EDIL3: variants seen among roughly 807,000 people sequenced by gnomAD.
The protein encoded by EDIL3 is EGF-like repeat and discoidin I-like domain-containing protein 3.
Under a neutral mutation model 67.4 loss-of-function variants are expected in EDIL3, and 37 were observed. That is an observed-to-expected ratio of 0.55 (90% CI 0.42 to 0.72). The LOEUF (loss-of-function observed/expected upper bound fraction) is 0.72, where lower values mean the gene tolerates loss of function less well. EDIL3 is among the 30% of genes least tolerant of loss of function. The probability of loss-of-function intolerance (pLI) is 0.00; values close to 1 mark genes in which losing one functional copy is unlikely to be tolerated. For missense variants in EDIL3, 527 were observed against 586.3 expected, an observed-to-expected ratio of 0.90 and a Z score of 1.04; for synonymous variants, 195 against 196.3, an observed-to-expected ratio of 0.99 and a Z score of 0.05.
intron 9 of EDIL3, among the ~76,000 whole-genome samples, chr5:84,025,521 T>A (rs1008580881): frequency 6.6e-6 from 1 of 152,092 alleles, no homozygotes; most frequent in African/African-American, 2.4e-5. Flanking sequence ...GTAATAATAA[T>A]AAAAATATAG....
At chr5:84,327,098 T>C (rs1746775609) in intron 1 of EDIL3, among the ~76,000 whole-genome samples, 1 of 152,010 alleles carries the variant, frequency 6.6e-6, no homozygotes, top group Admixed American at 6.6e-5. Flanking sequence ...CATCATCTCA[T>C]ATAGTTACCA....
At chr5:84,231,733 C>T (rs1744583841) in intron 2 of EDIL3, among the ~76,000 whole-genome samples, 1 of 152,108 alleles carries the variant, frequency 6.6e-6, no homozygotes, top group Non-Finnish European at 1.5e-5. Flanking sequence ...AAGCTGTTTG[C>T]CGCTTTATCA....
At chr5:84,338,152 A>G (rs1036692532) in intron 1 of EDIL3, among the ~76,000 whole-genome samples, 1 of 152,126 alleles carries the variant, frequency 6.6e-6, no homozygotes, top group Non-Finnish European at 1.5e-5. Context: ...TTAGGCTAGA[A>G]TCTCCATAAC....
Position 84,384,509 on chromosome 5 carries a change from G to T in EDIL3, c.-135C>A. The T allele has an allele frequency of 1.2e-6, 1 of 812,704 alleles. No homozygotes were observed. Among genetic ancestry groups the T allele is most frequent in the Non-Finnish European group, 1.9e-6 (1 of 517,648 alleles). The allele number at this position is 812,704 out of a possible 1,614,324, so 50.3% of individuals were successfully genotyped here. On this transcript the variant is annotated 5_prime_UTR_variant, in exon 1 of 11. Coordinates refer to ENST00000296591, the MANE Select transcript of EDIL3 (RefSeq NM_005711.5). Reference sequence around the variant, plus strand: ...CAAGAAGACGTTCTCTTTCCTCAGCGCTTTGTTAAACAAATTCTTGGAGAG... The same window carrying T: ...CAAGAAGACGTTCTCTTTCCTCAGCTCTTTGTTAAACAAATTCTTGGAGAG...
chr5:84,264,289 T>C (rs1301178005), intron 1 of EDIL3, among the ~76,000 whole-genome samples: 1 of 152,144 alleles, frequency 6.6e-6, no homozygotes, highest in Non-Finnish European at 1.5e-5. Context: ...CATTTGAAGT[T>C]TTCTGTGTAG....
At chr5:84,332,470 T>C (rs1746893198) in intron 1 of EDIL3, among the ~76,000 whole-genome samples, 1 of 152,184 alleles carries the variant, frequency 6.6e-6, no homozygotes, top group African/African-American at 2.4e-5. Flanking sequence ...AAGATAACGT[T>C]CTAATTATAG....
intron 1 of EDIL3, among the ~76,000 whole-genome samples, chr5:84,292,407 G>A (rs559684368): frequency 3.9e-5 from 6 of 152,098 alleles, no homozygotes; most frequent in South Asian, 2.1e-4. Context: ...ATAGTGTCCC[G>A]GAGCCAGGAA....
intron 3 of EDIL3, among the ~76,000 whole-genome samples, chr5:84,215,786 A>G (rs1744215858): frequency 2.0e-5 from 3 of 152,288 alleles, no homozygotes; most frequent in South Asian, 4.1e-4. Flanking sequence ...CAATGTGTCC[A>G]GGGTTTATGT....
At chr5:84,211,556 T>A (rs962424991) in intron 3 of EDIL3, among the ~76,000 whole-genome samples, 2 of 151,580 alleles carry the variant, frequency 1.3e-5, no homozygotes, top group African/African-American at 4.8e-5. Context: ...CCATAACAAG[T>A]GTCCTTCTAA....
At chr5:84,376,485 AAC>A (rs1747971382) in intron 1 of EDIL3, among the ~76,000 whole-genome samples, 1 of 152,336 alleles carries the variant, frequency 6.6e-6, no homozygotes, top group Admixed American at 6.5e-5. Flanking sequence ...GTTCATAACA[AAC>A]ACAGTTAAGT....
chr5:84,317,525 C>A (rs1439232364), intron 1 of EDIL3, among the ~76,000 whole-genome samples: 1 of 151,968 alleles, frequency 6.6e-6, no homozygotes, highest in African/African-American at 2.4e-5. Context: ...ACACATACAC[C>A]CTCCCAAGAC....
At chr5:84,214,700 T>C (rs1744190970) in intron 3 of EDIL3, among the ~76,000 whole-genome samples, 1 of 151,976 alleles carries the variant, frequency 6.6e-6, no homozygotes, top group Non-Finnish European at 1.5e-5. Flanking sequence ...TATCATCCTA[T>C]AAGGAAGAAC....
At chr5:84,362,520 A>G (rs1287069459) in intron 1 of EDIL3, among the ~76,000 whole-genome samples, 5 of 152,198 alleles carry the variant, frequency 3.3e-5, no homozygotes, top group African/African-American at 1.2e-4. Context: ...TAATGCAATT[A>G]CATATTAAAA....
chr5:84,172,636 G>A (rs1222107857), intron 4 of EDIL3, among the ~76,000 whole-genome samples: 1 of 151,942 alleles, frequency 6.6e-6, no homozygotes, highest in Non-Finnish European at 1.5e-5. Context: ...AAGAAAAAGA[G>A]GAAAGAATGA....
intron 9 of EDIL3, among the ~76,000 whole-genome samples, chr5:83,985,326 A>AG (rs1287911331): frequency 2.9e-4 from 44 of 152,066 alleles, no homozygotes; most frequent in Admixed American, 6.6e-4. Context: ...TAACTGCTGG[A>AG]AAAAAAATGT....
chr5:83,961,825 A>T (rs890792196), intron 10 of EDIL3, among the ~76,000 whole-genome samples: 2 of 151,386 alleles, frequency 1.3e-5, no homozygotes, highest in African/African-American at 4.8e-5. Context: ...AAAATATCTA[A>T]TATTTATTCA....
intron 6 of EDIL3, among the ~76,000 whole-genome samples, chr5:84,102,145 A>T (rs1561431986): frequency 1.3e-5 from 2 of 152,070 alleles, no homozygotes; most frequent in Admixed American, 6.6e-5. Context: ...CTCTCAATAA[A>T]CTTGGTACTG....
intron 1 of EDIL3, among the ~76,000 whole-genome samples, chr5:84,370,607 G>C (rs1282695016): frequency 2.0e-5 from 3 of 152,086 alleles, no homozygotes; most frequent in Non-Finnish European, 4.4e-5. Flanking sequence ...TTACTGTCTA[G>C]CTCCCATATA....
chr5:84,297,109 G>A (rs1043237858), intron 1 of EDIL3, among the ~76,000 whole-genome samples: 4 of 149,290 alleles, frequency 2.7e-5, no homozygotes, highest in Non-Finnish European at 5.9e-5. Flanking sequence ...GTGAACCCAG[G>A]AGGCAAAGCT....
Sources: allele counts gnomAD v4.1 joint callset (sites outside exome capture counted in the v4.1 genomes callset), GRCh38; gene constraint gnomAD v4.1.1; transcripts MANE v1.5; gene names NCBI Gene and HGNC (gene_info 2026-07-23, HGNC 2026-07-21).